The following RARS2 variants were observed in gnomAD, a reference collection of about 807,000 sequenced individuals.
RARS2 encodes the protein probable arginine--tRNA ligase, mitochondrial.
RARS2 carries 67 observed loss-of-function variants against 88.5 expected under a neutral mutation model. The ratio of observed to expected loss-of-function variants is 0.76; its 90% CI spans 0.62 to 0.93. The LOEUF is 0.93. Ranked by LOEUF, RARS2 falls within the 40% of genes least tolerant of loss-of-function variation. The probability of loss-of-function intolerance (pLI) is 0.00; values close to 1 mark genes in which losing one functional copy is unlikely to be tolerated. For missense variants in RARS2, 664 were observed against 684.2 expected (o/e 0.97, Z 0.33); for synonymous variants, 239 against 230.3 (o/e 1.04, Z -0.34).
intron 12 of RARS2, among the ~76,000 whole-genome samples, chr6:87,521,078 T>C (rs1773670309): frequency 6.6e-6 from 1 of 152,244 alleles, no homozygotes; most frequent in Admixed American, 6.5e-5. Flanking sequence ...TATGGTTATG[T>C]ACTATCTTTG....
chr6:87,589,046 G>A (rs1183849480), intron 1 of RARS2, among the ~76,000 whole-genome samples: 4 of 152,142 alleles, frequency 2.6e-5, no homozygotes, highest in Non-Finnish European at 5.9e-5. Flanking sequence ...CCCCACAAAT[G>A]TCTAGAAATA....
At chr6:87,561,655 T>C (rs992760066) in intron 4 of RARS2, among the ~76,000 whole-genome samples, 5 of 152,216 alleles carry the variant, frequency 3.3e-5, no homozygotes, top group Non-Finnish European at 5.9e-5. Context: ...GTACATTCAA[T>C]AGTCTTTTTC....
intron 2 of RARS2, chr6:87,564,541 T>C (rs1464340192): frequency 7.9e-6 from 3 of 380,878 alleles, no homozygotes; most frequent in South Asian, 4.4e-5. Flanking sequence ...TGGTGGTGTG[T>C]ACCTACAATC....
intron 1 of RARS2, among the ~76,000 whole-genome samples, chr6:87,580,460 G>A (rs1773138242): frequency 1.3e-5 from 2 of 152,072 alleles, no homozygotes; most frequent in South Asian, 4.2e-4. Flanking sequence ...TGAATGAGGA[G>A]CAAATCTGAG....
At chr6:87,514,894 C>T in intron 19 of RARS2, 63 bp downstream of exon 19, 1 of 1,363,818 alleles carries the variant, frequency 7.3e-7, no homozygotes, top group Non-Finnish European at 1.1e-6. Flanking sequence ...ATTTACAAGA[C>T]TGACTTAGTA....
In RARS2 at chr6:87,583,337, C is replaced by G. The variant is rs901242173; in HGVS notation, c.36+6585G>C. Among the ~76,000 whole-genome samples, 7 of 152,232 alleles carry G rather than the reference C, an allele frequency of 4.6e-5. No homozygotes were observed. The East Asian group carries it at 5.8e-4, about 13-fold the overall frequency. ...AGGAATGGTGGCTCTTGCCTGTAAT[C>G]CCAGCACTTTGCGAGGCCGAAGCAT... On this transcript the variant is annotated intron_variant, in intron 1 of 19. Transcript: ENST00000369536.
chr6:87,530,466 A>T (rs1777108743), intron 9 of RARS2, among the ~76,000 whole-genome samples: 1 of 152,182 alleles, frequency 6.6e-6, no homozygotes, highest in Admixed American at 6.5e-5. Context: ...TACCCACCAA[A>T]TGTTTATTAA....
chr6:87,555,693 G>A lies in RARS2; in HGVS notation c.298-188C>T, dbSNP rs1384071248. ...CTAATGCTAGTCATAGTAGTAACAT[G>A]AGTTAACATTTACAAGGGTTCTGTG... On this transcript the variant is annotated intron_variant, in intron 4 of 19. Coordinates refer to ENST00000369536, the MANE Select transcript of RARS2 (RefSeq NM_020320.5). 2.0e-5 allele frequency among the ~76,000 whole-genome samples: 3 copies of A among 152,264 alleles called. No individual in the cohort carries two copies. In the South Asian group the frequency reaches 6.2e-4, roughly 32 times the overall value.
At position 87,533,098 on chromosome 6, in the gene RARS2, TTTC is replaced by T. The variant is rs1433527524; in HGVS notation, c.613-2159_613-2157del. ...TCTTTATTTTCACAAAAGAGTTTAG[TTTC>T]TTTTTTTTTTCATAAAGCCTTTCTT... On this transcript the variant is annotated intron_variant, in intron 8 of 19. Transcript: ENST00000369536. Among the ~76,000 whole-genome samples, 55 of 152,304 alleles carry T rather than the reference TTTC, an allele frequency of 3.6e-4. 1 individual carries two copies. The highest frequency in any genetic ancestry group is 2.1e-4 in the Non-Finnish European group (14 of 68,018).
chr6:87,541,840 A>C, intron 8 of RARS2, 78 bp downstream of exon 8: 1 of 1,144,748 alleles, frequency 8.7e-7, no homozygotes, highest in Non-Finnish European at 1.3e-6. Flanking sequence ...AAGAAAAATA[A>C]ACCTCTGGGA....
intron 4 of RARS2, among the ~76,000 whole-genome samples, chr6:87,557,689 G>A (rs893325443): frequency 2.6e-5 from 4 of 152,046 alleles, no homozygotes; most frequent in Non-Finnish European, 5.9e-5. Flanking sequence ...CATCTTACCT[G>A]GTGACTACTC....
Position 87,545,646 on chromosome 6 carries a change from T to G in RARS2, c.505A>C (p.Asn169His). The change falls in exon 7 of 20, where the codon AAT (asparagine) becomes CAT (histidine). Residue 169 changes from asparagine to histidine, a missense_variant. By Grantham distance (68) the Asn-to-His change is moderately conservative. Transcript: ENST00000369536. ...EALGHQVIRI[N>H]YLGDWGMQFG... ...TGCATGCCCCAATCGCCAAGGTAAT[T>G]TATTCTTATTACTTGATGTCCTAAA... 6.2e-7 allele frequency: 1 copy of G among 1,613,788 alleles called. No individual in the cohort carries two copies. Among genetic ancestry groups the G allele is most frequent in the South Asian group, 1.1e-5 (1 of 91,072 alleles).
chr6:87,526,625 T>C (rs147194424), intron 10 of RARS2, among the ~76,000 whole-genome samples: 301 of 150,424 alleles, frequency 2.0e-3, no homozygotes, highest in African/African-American at 7.1e-3. Context: ...ACCAATGGAA[T>C]AGAATAGAGA....
At chr6:87,584,196 G>T (rs1043057672) in intron 1 of RARS2, among the ~76,000 whole-genome samples, 2 of 152,144 alleles carry the variant, frequency 1.3e-5, no homozygotes, top group African/African-American at 4.8e-5. Context: ...TCACATTGCG[G>T]CATGGGAAGA....
intron 8 of RARS2, among the ~76,000 whole-genome samples, chr6:87,540,250 C>T (rs1378675731): frequency 6.6e-6 from 1 of 151,500 alleles, no homozygotes; most frequent in Non-Finnish European, 1.5e-5. Context: ...GAGTTCAAGA[C>T]CAGCCTGGAC....
At position 87,516,748 on chromosome 6, in the gene RARS2, G is replaced by A. The variant is rs1771874164; in HGVS notation, c.1586+58C>T. ...GGAATTTGTTTACAGGAAACCTTTA[G>A]ATGAAAGAAAGGTCTCAAATGCCAT... On this transcript the variant is annotated intron_variant, in intron 18 of 19. Transcript: ENST00000369536. The A allele has an allele frequency of 1.6e-5, 26 of 1,599,780 alleles. No homozygotes were observed. The South Asian group carries it at 2.4e-4, about 15-fold the overall frequency.
At chr6:87,544,454 A>T (rs1162938291) in intron 7 of RARS2, among the ~76,000 whole-genome samples, 1 of 152,236 alleles carries the variant, frequency 6.6e-6, no homozygotes, top group Non-Finnish European at 1.5e-5. Flanking sequence ...ACAAATAAGA[A>T]CATAAGACAG....
chr6:87,551,345 G>C (rs559486701), intron 5 of RARS2, among the ~76,000 whole-genome samples: 1 of 151,948 alleles, frequency 6.6e-6, no homozygotes, highest in Non-Finnish European at 1.5e-5. Flanking sequence ...ATCACTCTTG[G>C]CCGGGCATGG....
At chr6:87,537,621 T>A (rs1404170677) in intron 8 of RARS2, among the ~76,000 whole-genome samples, 1 of 152,106 alleles carries the variant, frequency 6.6e-6, no homozygotes, top group Non-Finnish European at 1.5e-5. Flanking sequence ...TTTAGGGTTG[T>A]GGATAAGGAA....
Sources: gnomAD v4.1 joint callset for allele counts (sites outside exome capture counted in the v4.1 genomes callset) on GRCh38, gnomAD v4.1.1 for gene constraint, MANE v1.5 for transcripts, NCBI Gene and HGNC (gene_info 2026-07-23, HGNC 2026-07-21) for gene names.